The following ANKS3 variants were observed in gnomAD, a reference collection of about 807,000 sequenced individuals.
The protein encoded by ANKS3 is ankyrin repeat and SAM domain-containing protein 3.
Under a neutral mutation model 80.7 loss-of-function variants are expected in ANKS3, and 62 were observed. The ratio of observed to expected loss-of-function variants is 0.77; its 90% CI spans 0.63 to 0.95. The LOEUF (loss-of-function observed/expected upper bound fraction) is 0.95, where lower values mean the gene tolerates loss of function less well. Among genes scored for constraint, ANKS3 ranks in the 40% least tolerant of loss-of-function variants. The pLI is 0.00. For synonymous variants in ANKS3, 489 were observed against 355.3 expected (o/e 1.38, Z -4.23); for missense variants, 1,150 against 883.6 (o/e 1.30, Z -3.82).
At chr16:4,714,748 C>G (rs8062979) in intron 6 of ANKS3, among the ~76,000 whole-genome samples, 2,298 of 151,082 alleles carry the variant, frequency 0.015, 58 homozygotes, top group African/African-American at 0.054. Flanking sequence ...AATCCCAGCA[C>G]TTTGGGAGGC....
rs769297410 is a variant in ANKS3, at chr16:4,698,884, G to A, written c.1467C>T (p.Ala489=). The A allele has an allele frequency of 8.1e-6, 13 of 1,600,696 alleles. No individual in the cohort carries two copies. Among genetic ancestry groups the A allele is most frequent in the Admixed American group, 1.7e-5 (1 of 59,148 alleles). Residue 489 remains alanine (A), a synonymous_variant, in exon 13 of 18, where the codon GCC becomes GCT. Coordinates refer to ENST00000304283, the MANE Select transcript of ANKS3 (RefSeq NM_133450.4). The part of the protein sequence containing the change: ...TSAIARWHSS[A]RPPGDALELA... ...GCTCCAGGGCATCCCCGGGTGGGCG[G>A]GCACTGCTGTGCCAGCGGGCAATGG... is the stretch of plus-strand genomic sequence containing the variant.
intron 16 of ANKS3, 28 bp from the exon 17 acceptor site, chr16:4,697,132 C>T (rs201409692): frequency 1.2e-6 from 2 of 1,609,244 alleles, no homozygotes; most frequent in Non-Finnish European, 1.7e-6. Context: ...TGAGCCTCTC[C>T]CGGCCAGGCT....
At chr16:4,717,802 CT>C (rs770117557) in intron 6 of ANKS3, among the ~76,000 whole-genome samples, 80 of 146,470 alleles carry the variant, frequency 5.5e-4, no homozygotes, top group East Asian at 1.8e-3. Flanking sequence ...CCACAACTGG[CT>C]TTTTTTTTTT....
chr16:4,698,848 GGCGTAGGCCAGCTC>G lies in ANKS3; in HGVS notation c.1489_1502del (p.Glu497ArgfsTer6). 6.2e-7 allele frequency: 1 copy of G among 1,606,310 alleles called. No individual in the cohort carries two copies. Among genetic ancestry groups the G allele is most frequent in the Non-Finnish European group, 8.5e-7 (1 of 1,176,022 alleles). On this transcript the variant is annotated frameshift_variant, in exon 13 of 18. Transcript: ENST00000304283. LOFTEE classifies it high-confidence loss of function. ...CCTGCATCTCAGCCTCCAGCCGGTC[GGCGTAGGCCAGCTC>G]CAGGGCATCCCCGGGTGGGCGGGCA...
Position 4,696,829 on chromosome 16 carries a change from C to G in ANKS3, c.*79G>C, listed in dbSNP as rs2142011913. On this transcript the variant is annotated 3_prime_UTR_variant, in exon 18 of 18. Transcript: ENST00000304283. ...GGGCCTGGGCTGCACATGGCAGCTA[C>G]CTGCTCACTGTCCTCCTCACTCCCT... 2 of 634,562 alleles carry G rather than the reference C, an allele frequency of 3.2e-6. No homozygotes were observed. Among genetic ancestry groups the G allele is most frequent in the South Asian group, 1.9e-5 (1 of 53,270 alleles). 39.3% of individuals were successfully genotyped at this position (634,562 alleles called of 1,614,324 possible).
chr16:4,696,603 G>A lies in ANKS3; in HGVS notation c.*305C>T, dbSNP rs1036855905. 42 of 214,414 alleles carry A rather than the reference G, an allele frequency of 2.0e-4. No individual in the cohort carries two copies. Among genetic ancestry groups the A allele is most frequent in the Admixed American group, 3.2e-4 (6 of 18,846 alleles). The allele number at this position is 214,414 out of a possible 1,614,324, so 13.3% of individuals were successfully genotyped here. A position where few individuals can be genotyped will look rare whatever the true frequency, so the allele number is the denominator to read the frequency against. On this transcript the variant is annotated 3_prime_UTR_variant, in exon 18 of 18. Transcript: ENST00000304283. The stretch of plus-strand genomic sequence containing the variant: ...GTCCCACCTCAGTTGGCACCTGTGC[G>A]TGTATATGGATACACTTTCCCCCCA...
At chr16:4,721,107 C>G (rs1346533735) in intron 6 of ANKS3, among the ~76,000 whole-genome samples, 2 of 147,408 alleles carry the variant, frequency 1.4e-5, no homozygotes, top group Admixed American at 1.4e-4. Context: ...AGATCGAGAC[C>G]ATCCTGGCTA....
chr16:4,727,519 G>A (rs992538756), intron 3 of ANKS3: 2 of 363,776 alleles, frequency 5.5e-6, no homozygotes, highest in Admixed American at 4.1e-5. Flanking sequence ...CAACTGGGCA[G>A]GGAAGGGCTG....
Position 4,697,995 on chromosome 16 carries a change from G to A in ANKS3, c.1792C>T (p.Leu598=), listed in dbSNP as rs1170670716. ...DQPPGAATLG[L]AVPPADSKGW... is the part of the protein sequence containing the mutation. ...CTCTTACCAGCTGGGGGGACGGCTA[G>A]GCCCAGAGTGGCTGCACCAGGGGGC... Residue 598 remains leucine (L), a synonymous_variant, in exon 15 of 18, where the codon CTA becomes TTA. Transcript: ENST00000304283. 1.2e-6 allele frequency: 2 copies of A among 1,601,904 alleles called. No homozygotes were observed. Among genetic ancestry groups the A allele is most frequent in the Non-Finnish European group, 1.7e-6 (2 of 1,175,004 alleles).
In ANKS3 at chr16:4,702,144, T is replaced by C; in HGVS notation, c.967A>G (p.Asn323Asp). Reference protein sequence around the residue: ...LCCRDVTSPINERDVESSSSS... With the variant: ...LCCRDVTSPIDERDVESSSSS... ...CTGCTGCTCTCCACATCCCGCTCAT[T>C]GATGGGGGAGGTGACATCCCGGCAG... Residue 323 changes from asparagine to aspartate, a missense_variant, in exon 9 of 18, where the codon AAT (asparagine) becomes GAT (aspartate). Coordinates refer to ENST00000304283, the MANE Select transcript of ANKS3 (RefSeq NM_133450.4). The C allele has an allele frequency of 6.3e-7, 1 of 1,597,490 alleles. No individual in the cohort carries two copies. The highest frequency in any genetic ancestry group is 1.1e-5 in the South Asian group (1 of 89,772).
intron 6 of ANKS3, among the ~76,000 whole-genome samples, chr16:4,720,657 T>G (rs1026613482): frequency 6.6e-6 from 1 of 150,898 alleles, no homozygotes; most frequent in Non-Finnish European, 1.5e-5. Context: ...ATGTCAACGG[T>G]AGGCCAGGCG....
In ANKS3 at chr16:4,697,018, G is replaced by A. The variant is rs112731039; in HGVS notation, c.*10C>T. 2.5e-5 allele frequency: 41 copies of A among 1,611,654 alleles called. 1 individual carries two copies. Among genetic ancestry groups the A allele is most frequent in the African/African-American group, 1.1e-4 (8 of 74,998 alleles). On this transcript the variant is annotated splice_region_variant and 3_prime_UTR_variant, in exon 17 of 18. Coordinates refer to ENST00000304283, the MANE Select transcript of ANKS3 (RefSeq NM_133450.4). Reference sequence around the variant, plus strand: ...GGATCCAGGCTGGCAGACACTCACCGGCCCGCAGGCTAGGTCTCCCGCCAC... The same window carrying A: ...GGATCCAGGCTGGCAGACACTCACCAGCCCGCAGGCTAGGTCTCCCGCCAC...
chr16:4,721,304 CA>C (rs528222353), intron 6 of ANKS3, among the ~76,000 whole-genome samples: 1,774 of 75,246 alleles, frequency 0.024, 31 homozygotes, highest in African/African-American at 0.071. Context: ...GACGCCATCT[CA>C]AAAAAAAAAA....
chr16:4,702,431 C>A (rs1483309809), intron 8 of ANKS3, among the ~76,000 whole-genome samples, 189 bp from the exon 9 acceptor site: 1 of 152,224 alleles, frequency 6.6e-6, no homozygotes, highest in African/African-American at 2.4e-5. Flanking sequence ...GTGGCCCAAG[C>A]AAGTGCCTGG....
chr16:4,716,413 C>G (rs2080798068), intron 6 of ANKS3, among the ~76,000 whole-genome samples: 1 of 151,284 alleles, frequency 6.6e-6, no homozygotes, highest in South Asian at 2.1e-4. Context: ...TTGCTACCAC[C>G]CATACGGCAA....
intron 6 of ANKS3, among the ~76,000 whole-genome samples, chr16:4,723,937 T>C (rs2081230736): frequency 6.6e-6 from 1 of 151,678 alleles, no homozygotes; most frequent in South Asian, 2.1e-4. Context: ...AGCATGCACC[T>C]GTAGTCCCAG....
chr16:4,720,703 G>C (rs977356347), intron 6 of ANKS3, among the ~76,000 whole-genome samples: 1 of 151,138 alleles, frequency 6.6e-6, no homozygotes, highest in African/African-American at 2.4e-5. Context: ...CACTTTGGGA[G>C]GCCAAAGTGG....
At chr16:4,715,568 C>T (rs1373397085) in intron 6 of ANKS3, among the ~76,000 whole-genome samples, 1 of 152,162 alleles carries the variant, frequency 6.6e-6, no homozygotes, top group African/African-American at 2.4e-5. Context: ...TGTACTCCAG[C>T]CTGGGCAATA....
intron 15 of ANKS3, 28 bp from the exon 16 acceptor site, chr16:4,697,444 A>G: frequency 6.4e-7 from 1 of 1,552,106 alleles, no homozygotes; most frequent in Non-Finnish European, 8.7e-7. Context: ...GGACCGAGTT[A>G]GCTGGGGGTC....
Sources: allele counts gnomAD v4.1 joint callset (sites outside exome capture counted in the v4.1 genomes callset), GRCh38; gene constraint gnomAD v4.1.1; transcripts MANE v1.5; gene names NCBI Gene and HGNC (gene_info 2026-07-23, HGNC 2026-07-21).